The following TGFBR3 variants were observed in gnomAD, a reference collection of about 807,000 sequenced individuals.
TGFBR3 encodes transforming growth factor beta receptor 3.
In TGFBR3, 46 loss-of-function variants were observed where a neutral mutation model predicts 87.9. The observed-to-expected ratio is 0.52, with a 90% CI of 0.41 to 0.67. TGFBR3 has a LOEUF of 0.67. Among genes scored for constraint, TGFBR3 ranks in the 30% least tolerant of loss-of-function variants. The pLI, the probability that TGFBR3 is intolerant of heterozygous loss-of-function variation, is 0.00. For synonymous variants in TGFBR3, 381 were observed against 391.6 expected (o/e 0.97, Z 0.32); for missense variants, 866 against 1,041.9 (o/e 0.83, Z 2.32).
chr1:91,835,781 T>C (rs1240073844), intron 2 of TGFBR3, among the ~76,000 whole-genome samples: 4 of 137,420 alleles, frequency 2.9e-5, no homozygotes, highest in East Asian at 2.2e-4. Context: ...TGAGCCGAGA[T>C]TGTGCCACTG....
intron 4 of TGFBR3, among the ~76,000 whole-genome samples, chr1:91,747,121 A>G (rs1467097638): frequency 6.6e-6 from 1 of 152,250 alleles, no homozygotes; most frequent in African/African-American, 2.4e-5. Flanking sequence ...ACACACCTTT[A>G]GCAAGAAATG....
At chr1:91,839,477 A>G (rs1053669390) in intron 2 of TGFBR3, among the ~76,000 whole-genome samples, 3 of 152,234 alleles carry the variant, frequency 2.0e-5, no homozygotes, top group Admixed American at 2.0e-4. Flanking sequence ...GTACCTTTAC[A>G]CCAGAGAATT....
rs150515068 is a variant in TGFBR3 at position 91,684,469 on chromosome 1, G to A, written c.2438-612C>T. On this transcript the variant is annotated intron_variant, in intron 16 of 16. Coordinates refer to ENST00000212355, the MANE Select transcript of TGFBR3 (RefSeq NM_003243.5). Reference sequence around the variant, plus strand: ...AAAAACCTTTTGGGGAAGGGGTTTAGCTGTTTGCACATGGGGACTGCAGTT... The same window carrying A: ...AAAAACCTTTTGGGGAAGGGGTTTAACTGTTTGCACATGGGGACTGCAGTT... 7.5e-4 allele frequency among the ~76,000 whole-genome samples: 115 copies of A among 152,356 alleles called. 4 individuals carry two copies. The East Asian group carries it at 0.02, about 27-fold the overall frequency.
intron 1 of TGFBR3, among the ~76,000 whole-genome samples, chr1:91,873,008 G>A (rs774794962): frequency 2.2e-4 from 33 of 152,016 alleles, no homozygotes; most frequent in Non-Finnish European, 4.1e-4. Flanking sequence ...CTGTCACTCA[G>A]GCTGGTGTGC....
upstream of TGFBR3, among the ~76,000 whole-genome samples, chr1:91,888,906 G>A (rs959131423): frequency 6.6e-6 from 1 of 152,046 alleles, no homozygotes; most frequent in Non-Finnish European, 1.5e-5. Flanking sequence ...TTTTGAGACA[G>A]AGTCTCGCTC....
At chr1:91,883,612 C>T (rs1368228702) in intron 1 of TGFBR3, among the ~76,000 whole-genome samples, 2 of 152,144 alleles carry the variant, frequency 1.3e-5, no homozygotes, top group Non-Finnish European at 2.9e-5. Flanking sequence ...TAACAATGAA[C>T]TCCCCACGGG....
At chr1:91,687,774 G>C (rs1439058410) in intron 16 of TGFBR3, among the ~76,000 whole-genome samples, 1 of 152,140 alleles carries the variant, frequency 6.6e-6, no homozygotes, top group African/African-American at 2.4e-5. Context: ...TATGAGGATT[G>C]GTTAGTTATA....
At chr1:91,784,642 C>T (rs1253681579) in intron 3 of TGFBR3, among the ~76,000 whole-genome samples, 3 of 152,128 alleles carry the variant, frequency 2.0e-5, no homozygotes, top group African/African-American at 4.8e-5. Flanking sequence ...TAAGCATGGG[C>T]TTCCAAAGTG....
intron 3 of TGFBR3, among the ~76,000 whole-genome samples, chr1:91,785,373 T>G (rs777807251): frequency 6.6e-6 from 1 of 152,200 alleles, no homozygotes; most frequent in Non-Finnish European, 1.5e-5. Context: ...GATACAAGGT[T>G]TCTTCTTAGG....
intron 14 of TGFBR3, 112 bp from the exon 15 acceptor site, chr1:91,698,242 T>G: frequency 1.1e-6 from 1 of 907,486 alleles, no homozygotes; most frequent in South Asian, 1.3e-5. Flanking sequence ...ATAAATACTG[T>G]GAGAAAGCTC....
intron 6 of TGFBR3, 129 bp downstream of exon 6, chr1:91,729,676 A>C: frequency 9.4e-7 from 1 of 1,059,536 alleles, no homozygotes; most frequent in Non-Finnish European, 1.5e-6. Context: ...CTCCTGCGTG[A>C]AGCATCAATG....
chr1:91,749,767 A>G (rs1673471649), intron 4 of TGFBR3, among the ~76,000 whole-genome samples: 1 of 152,170 alleles, frequency 6.6e-6, no homozygotes, highest in Non-Finnish European at 1.5e-5. Context: ...AGCCTCCCAG[A>G]GTCTCCTGGT....
intron 7 of TGFBR3, among the ~76,000 whole-genome samples, chr1:91,723,471 A>C (rs1672439302): frequency 8.2e-6 from 1 of 122,404 alleles, no homozygotes; most frequent in Admixed American, 9.1e-5. Flanking sequence ...ACAGAGGGAG[A>C]CCCTGCCTTA....
At chr1:91,874,328 G>C (rs1373332712) in intron 1 of TGFBR3, among the ~76,000 whole-genome samples, 2 of 152,148 alleles carry the variant, frequency 1.3e-5, no homozygotes, top group Admixed American at 1.3e-4. Flanking sequence ...AGCGTATCTG[G>C]CGTGCTCAGG....
At chr1:91,718,532 T>C (rs1473720598) in intron 10 of TGFBR3, among the ~76,000 whole-genome samples, 1 of 143,256 alleles carries the variant, frequency 7.0e-6, no homozygotes, top group African/African-American at 2.6e-5. Context: ...ATTTTTACCA[T>C]TAAAAGTAAA....
chr1:91,797,397 A>G lies in TGFBR3; in HGVS notation c.136T>C (p.Phe46Leu). The G allele has an allele frequency of 6.2e-7, 1 of 1,614,220 alleles. No homozygotes were observed. The highest frequency in any genetic ancestry group is 8.5e-7 in the Non-Finnish European group (1 of 1,180,044). Residue 46 changes from phenylalanine (F) to leucine (L), a missense_variant, in exon 3 of 17, where the codon TTC (phenylalanine) becomes CTC (leucine). Phe to Leu is a conservative substitution (Grantham distance 22). Transcript: ENST00000212355. ...CTGGCACAGCCTGACAAAACAGTGAAGCTCTCCATCAAGGCCTGGACAGGA... is the reference window on the plus strand; with the variant it reads ...CTGGCACAGCCTGACAAAACAGTGAGGCTCTCCATCAAGGCCTGGACAGGA... ...SHPVQALMESFTVLSGCASRG... is the reference protein window; with the variant it reads ...SHPVQALMESLTVLSGCASRG...
chr1:91,809,603 C>T (rs566456239), intron 2 of TGFBR3, among the ~76,000 whole-genome samples: 1 of 152,280 alleles, frequency 6.6e-6, no homozygotes, highest in South Asian at 2.1e-4. Context: ...TTAATTACAG[C>T]CATGTGTACA....
Position 91,865,068 on chromosome 1 carries a change from T to C in TGFBR3, c.-113-3424A>G, listed in dbSNP as rs550483408. Among the ~76,000 whole-genome samples the C allele has an allele frequency of 4.0e-3, 612 of 151,730 alleles. 3 individuals are homozygous for C. Among genetic ancestry groups the C allele is most frequent in the Non-Finnish European group, 5.8e-3 (392 of 67,886 alleles). On this transcript the variant is annotated intron_variant, in intron 1 of 16. Transcript: ENST00000212355. ...AAATACAAAAGTTAGCCAGGCGTGG[T>C]GGTACGTGCCTGTAATCCCAGCTAC...
rs1557726893 is a variant in TGFBR3 at position 91,818,277 on chromosome 1, C to CTTTTTTTTTTTTTTTTTTTT, written c.62-20807_62-20806insAAAAAAAAAAAAAAAAAAAA. The stretch of plus-strand genomic sequence containing the variant: ...CTGCACCATTTCCCCTTAGCCCCAG[C>CTTTTTTTTTTTTTTTTTTTT]CTTTTTTTTTTTTTTTTTTTTTTTT... On this transcript the variant is annotated intron_variant, in intron 2 of 16. Transcript: ENST00000212355. 4.9e-5 allele frequency among the ~76,000 whole-genome samples: 6 copies of CTTTTTTTTTTTTTTTTTTTT among 123,142 alleles called. 3 individuals are homozygous for CTTTTTTTTTTTTTTTTTTTT. The highest frequency in any genetic ancestry group is 3.4e-5 in the Non-Finnish European group (2 of 59,522). 80.8% of individuals were successfully genotyped at this position (123,142 alleles called of 152,430 possible). A position where few individuals can be genotyped will look rare whatever the true frequency, so the allele number is the denominator to read the frequency against.
Sources: allele counts gnomAD v4.1 joint callset (sites outside exome capture counted in the v4.1 genomes callset), GRCh38; gene constraint gnomAD v4.1.1; transcripts MANE v1.5; gene names NCBI Gene and HGNC (gene_info 2026-07-23, HGNC 2026-07-21).